IQSEC1: variants seen among roughly 807,000 people sequenced by gnomAD.
The protein encoded by IQSEC1 is IQ motif and SEC7 domain-containing protein 1.
In IQSEC1, 31 loss-of-function variants were observed where a neutral mutation model predicts 91.0. That is an observed-to-expected ratio of 0.34 (90% confidence interval 0.26 to 0.46). The LOEUF is 0.46. IQSEC1 is among the 20% of genes least tolerant of loss of function. The pLI is 1.00. For missense variants in IQSEC1, 1,388 were observed against 1,575.6 expected (o/e 0.88, Z 2.02); for synonymous variants, 699 against 662.6 (o/e 1.05, Z -0.84).
chr3:13,138,385 G>A (rs1468730974), intron 2 of IQSEC1, among the ~76,000 whole-genome samples: 1 of 151,890 alleles, frequency 6.6e-6, no homozygotes, highest in South Asian at 2.1e-4. Flanking sequence ...GCTGGCCTTG[G>A]AACCCCACCT....
intron 1 of IQSEC1, among the ~76,000 whole-genome samples, chr3:13,165,243 G>A (rs553097588): frequency 2.7e-4 from 41 of 152,240 alleles, no homozygotes; most frequent in African/African-American, 9.9e-4. Context: ...CAGCATCAAT[G>A]CACAGCAACT....
intron 2 of IQSEC1, among the ~76,000 whole-genome samples, chr3:13,091,779 CAA>C (rs1705865623): frequency 6.6e-6 from 1 of 152,220 alleles, no homozygotes; most frequent in African/African-American, 2.4e-5. Context: ...ACATAAAAAA[CAA>C]AGACACAGGC....
At chr3:13,033,515 A>AT (rs1231968181) in intron 1 of IQSEC1, among the ~76,000 whole-genome samples, 1 of 151,980 alleles carries the variant, frequency 6.6e-6, no homozygotes, top group African/African-American at 2.4e-5. Flanking sequence ...ATGCATATAT[A>AT]TGTATATGTA....
intron 1 of IQSEC1, among the ~76,000 whole-genome samples, chr3:13,200,633 A>G (rs1253746092): frequency 6.6e-6 from 1 of 152,226 alleles, no homozygotes; most frequent in Non-Finnish European, 1.5e-5. Context: ...CTGAAAGGCC[A>G]AGAGAGTGGG....
At chr3:13,078,142 G>A (rs541600120), upstream of IQSEC1, among the ~76,000 whole-genome samples, 2 of 152,310 alleles carry the variant, frequency 1.3e-5, no homozygotes, top group East Asian at 3.9e-4. Flanking sequence ...GACAGATGCT[G>A]CTTGAGATGC....
intron 1 of IQSEC1, among the ~76,000 whole-genome samples, chr3:13,017,317 T>C (rs930126902): frequency 6.6e-6 from 1 of 152,234 alleles, no homozygotes; most frequent in Non-Finnish European, 1.5e-5. Flanking sequence ...GAGGCCTGAG[T>C]GTCCACCTCA....
chr3:13,028,148 G>T (rs1703692711), intron 1 of IQSEC1, among the ~76,000 whole-genome samples: 1 of 151,886 alleles, frequency 6.6e-6, no homozygotes, highest in African/African-American at 2.4e-5. Context: ...TAGGGGGTTT[G>T]CTTATCCATT....
At chr3:12,913,369 T>C (rs1695751319) in intron 9 of IQSEC1, 59 bp downstream of exon 9, 1 of 1,517,984 alleles carries the variant, frequency 6.6e-7, no homozygotes, top group South Asian at 1.2e-5. Flanking sequence ...CAGCCAGACA[T>C]GGACCCTGGG....
intron 2 of IQSEC1, among the ~76,000 whole-genome samples, chr3:13,152,393 T>C (rs1042059448): frequency 6.6e-6 from 1 of 152,212 alleles, no homozygotes; most frequent in Non-Finnish European, 1.5e-5. Context: ...AATGAATGTT[T>C]AGAAATATTA....
In IQSEC1 at chr3:12,936,118, G is replaced by A. The variant is rs1698170874; in HGVS notation, c.898C>T (p.Pro300Ser). The A allele has an allele frequency of 6.2e-7, 1 of 1,611,746 alleles. No homozygotes were observed. The highest frequency in any genetic ancestry group is 1.3e-5 in the African/African-American group (1 of 74,936). The change falls in exon 3 of 14, where the codon CCC (proline) becomes TCC (serine). Residue 300 changes from proline to serine, a missense_variant. This residue lies in a region of IQSEC1 where 1,059 missense variants were observed against 1,317.8 expected (regional missense o/e 0.80). Coordinates refer to ENST00000613206, the MANE Select transcript of IQSEC1 (RefSeq NM_001134382.3). The stretch of plus-strand genomic sequence containing the variant: ...CCTGCCTGCGAGAGGGGCAGAGGGG[G>A]CGACAGCTCCTCCTCATCGATGTAC... ...TLYIDEEELS[P>S]PLPLSQAGDR... is the part of the protein sequence containing the mutation.
At chr3:13,030,760 T>G (rs1445294483) in intron 1 of IQSEC1, among the ~76,000 whole-genome samples, 1 of 152,248 alleles carries the variant, frequency 6.6e-6, no homozygotes, top group African/African-American at 2.4e-5. Flanking sequence ...AAGACATTTT[T>G]GGAGACCCTT....
At chr3:13,075,833 G>A (rs528299038), upstream of IQSEC1, among the ~76,000 whole-genome samples, 12 of 152,300 alleles carry the variant, frequency 7.9e-5, no homozygotes, top group African/African-American at 2.2e-4. Flanking sequence ...GTGGAGCTGG[G>A]ATTCCGACTC....
chr3:12,920,392 G>T, intron 6 of IQSEC1, 38 bp downstream of exon 6: 1 of 1,606,014 alleles, frequency 6.2e-7, no homozygotes, highest in African/African-American at 1.3e-5. Context: ...AGGTGCTGGA[G>T]CAAATCTGTG....
rs1157697424 is a variant in IQSEC1 at position 12,970,287 on chromosome 3, A to G, written c.24-28422T>C. 6.6e-6 allele frequency among the ~76,000 whole-genome samples: 1 copy of G among 152,172 alleles called. No homozygotes were observed. Among genetic ancestry groups the G allele is most frequent in the Non-Finnish European group, 1.5e-5 (1 of 68,016 alleles). On this transcript the variant is annotated intron_variant, in intron 1 of 13. Coordinates refer to ENST00000613206, the MANE Select transcript of IQSEC1 (RefSeq NM_001134382.3). This position sits in a 1 kb window ranked among gnomAD's most constrained non-coding sequence, Gnocchi z 4.4. ...CCAGGAGAGGCTCTAATGGGGGGAC[A>G]TTTTGGGTTGGACCTTGAGGGATGA...
chr3:13,098,518 G>A (rs1383028508), intron 2 of IQSEC1, among the ~76,000 whole-genome samples: 2 of 152,214 alleles, frequency 1.3e-5, no homozygotes, highest in African/African-American at 4.8e-5. Flanking sequence ...GGAGGGTGAG[G>A]GTTTCCACTA....
intron 2 of IQSEC1, among the ~76,000 whole-genome samples, chr3:13,125,657 A>G (rs1410386504): frequency 6.6e-6 from 1 of 152,112 alleles, no homozygotes; most frequent in Non-Finnish European, 1.5e-5. Context: ...TCATTTCCCC[A>G]TCTGTGCAAT....
At position 12,908,069 on chromosome 3, in the gene IQSEC1, A is replaced by G. The variant is rs1288250240; in HGVS notation, c.2755+280T>C. Among the ~76,000 whole-genome samples, 1 of 152,206 alleles carries G rather than the reference A, an allele frequency of 6.6e-6. No individual in the cohort carries two copies. The highest frequency in any genetic ancestry group is 1.5e-5 in the Non-Finnish European group (1 of 68,026). On this transcript the variant is annotated intron_variant, in intron 12 of 13. Transcript: ENST00000613206. The surrounding 1 kb of genome is among the most constrained non-coding windows in gnomAD (Gnocchi z 4.9). ...ACTTCCCAGATCAATAAACAAGTAA[A>G]TAAAACCCCTGGAAGAAGAAAGGGA...
chr3:13,201,456 G>A (rs894387226), intron 1 of IQSEC1, among the ~76,000 whole-genome samples: 1 of 152,180 alleles, frequency 6.6e-6, no homozygotes, highest in Non-Finnish European at 1.5e-5. Flanking sequence ...TCAGCCACCT[G>A]ACTAGCTGGA....
intron 5 of IQSEC1, among the ~76,000 whole-genome samples, chr3:12,921,478 T>C (rs1575912531): frequency 6.6e-6 from 1 of 152,248 alleles, no homozygotes; most frequent in Admixed American, 6.5e-5. Flanking sequence ...GATCCCAGAA[T>C]GGATGACTGC....
Sources: allele counts gnomAD v4.1 joint callset (sites outside exome capture counted in the v4.1 genomes callset), GRCh38; gene constraint gnomAD v4.1.1; regional missense constraint gnomAD v4.1.1; non-coding constraint Gnocchi (gnomAD v3.1); transcripts MANE v1.5; gene names NCBI Gene and HGNC (gene_info 2026-07-23, HGNC 2026-07-21).